The following LAMC1 variants were observed in gnomAD, a reference collection of about 807,000 sequenced individuals.
LAMC1 encodes laminin subunit gamma-1.
In LAMC1, 38 loss-of-function variants were observed where a neutral mutation model predicts 173.6. The ratio of observed to expected loss-of-function variants is 0.22; its 90% CI spans 0.17 to 0.29. LAMC1 has a LOEUF of 0.29. Ranked by LOEUF, LAMC1 falls within the 10% of genes least tolerant of loss-of-function variation. The probability of loss-of-function intolerance (pLI) is 1.00; values close to 1 mark genes in which losing one functional copy is unlikely to be tolerated. For synonymous variants in LAMC1, 746 were observed against 749.1 expected, an observed-to-expected ratio of 1.00 and a Z score of 0.07; for missense variants, 1,824 against 2,051.8, an observed-to-expected ratio of 0.89 and a Z score of 2.14.
At chr1:183,068,644 A>G (rs1177029572) in intron 1 of LAMC1, among the ~76,000 whole-genome samples, 1 of 152,164 alleles carries the variant, frequency 6.6e-6, no homozygotes, top group Non-Finnish European at 1.5e-5. Flanking sequence ...TTAGGTTTTT[A>G]GAAAAGTGAC....
At chr1:183,116,458 C>G in intron 6 of LAMC1, 119 bp from the exon 7 acceptor site, 2 of 637,156 alleles carry the variant, frequency 3.1e-6, no homozygotes, top group South Asian at 4.0e-5. Flanking sequence ...TCCTGGGCGA[C>G]AGTGTGAGAC....
At position 183,122,182 on chromosome 1, in the gene LAMC1, G is replaced by A. The variant is rs761534662; in HGVS notation, c.2332G>A (p.Gly778Ser). The A allele has an allele frequency of 1.9e-6, 3 of 1,614,090 alleles. No individual in the cohort carries two copies. Residue 778 changes from glycine to serine, a missense_variant, in exon 13 of 28, where the codon GGT becomes AGT. Coordinates refer to ENST00000258341, the MANE Select transcript of LAMC1 (RefSeq NM_002293.4). ...TTGCCAACCCTGTCCGTGTCCTGGA[G>A]GTTCAAGTTGTGCTGTTGTTCCCAA... ...SDCQPCPCPG[G>S]SSCAVVPKTK...
rs903311432 is a variant in LAMC1 at position 183,139,082 on chromosome 1, T to C, written c.4473+1255T>C. On this transcript the variant is annotated intron_variant, in intron 26 of 27. Coordinates refer to ENST00000258341, the MANE Select transcript of LAMC1 (RefSeq NM_002293.4). ...TTCCCATAAAAAAAATAGATGTTTC[T>C]CACATGTTGAGCATATATGGATTTC... Among the ~76,000 whole-genome samples the C allele has an allele frequency of 2.6e-5, 4 of 152,240 alleles. No homozygotes were observed. The East Asian group carries it at 7.7e-4, about 29-fold the overall frequency.
chr1:183,141,276 T>G (rs1189641315), intron 27 of LAMC1: 3 of 152,264 alleles, frequency 2.0e-5, no homozygotes, highest in Non-Finnish European at 4.4e-5. Flanking sequence ...GCCACTGCAC[T>G]CCACCCTGGG....
At chr1:183,037,343 G>GA (rs1426589296) in intron 1 of LAMC1, among the ~76,000 whole-genome samples, 1 of 110,824 alleles carries the variant, frequency 9.0e-6, no homozygotes, top group Non-Finnish European at 2.1e-5. Context: ...GAGAATTGCT[G>GA]AGTTAGTTCA....
chr1:183,025,993 G>T (rs184492022), intron 1 of LAMC1, among the ~76,000 whole-genome samples: 3 of 152,294 alleles, frequency 2.0e-5, no homozygotes, highest in East Asian at 1.9e-4. Flanking sequence ...TATCAGTTAC[G>T]TTAGATTGCT....
intron 1 of LAMC1, among the ~76,000 whole-genome samples, chr1:183,067,127 G>C (rs1654894679): frequency 6.6e-6 from 1 of 151,908 alleles, no homozygotes; most frequent in African/African-American, 2.4e-5. Flanking sequence ...TTGATACCAG[G>C]GTTTGTTAAA....
chr1:183,124,893 C>A lies in LAMC1; in HGVS notation c.2647+17C>A. On this transcript the variant is annotated intron_variant, in intron 14 of 27. Coordinates refer to ENST00000258341, the MANE Select transcript of LAMC1 (RefSeq NM_002293.4). ...AATGCAAAGGTAATCAGCCTTTGATCAGATTCTGTCACAGCTAAATGCCCC... is the reference window on the plus strand; with the variant it reads ...AATGCAAAGGTAATCAGCCTTTGATAAGATTCTGTCACAGCTAAATGCCCC... 1 of 1,610,602 alleles carries A rather than the reference C, an allele frequency of 6.2e-7. No individual in the cohort carries two copies. Among genetic ancestry groups the A allele is most frequent in the South Asian group, 1.1e-5 (1 of 90,954 alleles).
chr1:183,143,976 C>A lies in LAMC1; in HGVS notation c.*1186C>A, dbSNP rs569740662. The A allele has an allele frequency of 1.3e-5, 2 of 152,290 alleles. No homozygotes were observed. The highest frequency in any genetic ancestry group is 6.5e-5 in the Admixed American group (1 of 15,268). 9.4% of individuals were successfully genotyped at this position (152,290 alleles called of 1,614,324 possible). On this transcript the variant is annotated 3_prime_UTR_variant, in exon 28 of 28. Transcript: ENST00000258341. The stretch of plus-strand genomic sequence containing the variant: ...ACTCAGTATTTCACACAGCTGCCAA[C>A]GCTATCGAGTTCCTGCACTTTGTGA...
At chr1:183,136,702 G>T in intron 25 of LAMC1, 117 bp downstream of exon 25, 1 of 802,098 alleles carries the variant, frequency 1.2e-6, no homozygotes. Flanking sequence ...CAGTAAAATT[G>T]TCTTAAACCA....
chr1:183,037,735 T>C (rs1654020310), intron 1 of LAMC1, among the ~76,000 whole-genome samples: 1 of 152,174 alleles, frequency 6.6e-6, no homozygotes, highest in African/African-American at 2.4e-5. Flanking sequence ...GACTCTTAGA[T>C]ACCTTAATTT....
chr1:183,030,161 A>C (rs1291190658), intron 1 of LAMC1, among the ~76,000 whole-genome samples: 1 of 152,262 alleles, frequency 6.6e-6, no homozygotes, highest in Non-Finnish European at 1.5e-5. Context: ...CCCATGTAAC[A>C]AAGCATTGTC....
chr1:183,132,699 C>T (rs1179156748), intron 21 of LAMC1, among the ~76,000 whole-genome samples, 162 bp downstream of exon 21: 1 of 151,990 alleles, frequency 6.6e-6, no homozygotes, highest in Non-Finnish European at 1.5e-5. Flanking sequence ...TAGAGAAGGG[C>T]ATGTGAAGCC....
At chr1:183,029,194 C>T (rs1388600561) in intron 1 of LAMC1, among the ~76,000 whole-genome samples, 1 of 152,202 alleles carries the variant, frequency 6.6e-6, no homozygotes, top group Non-Finnish European at 1.5e-5. Context: ...CCAATCGTTA[C>T]TATAATCTGT....
At chr1:183,104,916 T>C (rs896084965) in intron 2 of LAMC1, among the ~76,000 whole-genome samples, 3 of 151,908 alleles carry the variant, frequency 2.0e-5, no homozygotes, top group Non-Finnish European at 2.9e-5. Context: ...TTTTGATAGA[T>C]GAAAAAGCAG....
intron 3 of LAMC1, 29 bp downstream of exon 3, chr1:183,108,435 A>T: frequency 6.3e-7 from 1 of 1,599,572 alleles, no homozygotes; most frequent in Non-Finnish European, 8.5e-7. Context: ...TAGTCTTGAA[A>T]GTGTTTGGAG....
Position 183,122,316 on chromosome 1 carries a change from C to G in LAMC1, c.2401+65C>G, listed in dbSNP as rs1039129702. The G allele has an allele frequency of 2.7e-6, 4 of 1,471,700 alleles. No individual in the cohort carries two copies. In the African/African-American group the frequency reaches 4.2e-5, roughly 15 times the overall value. The allele number at this position is 1,471,700 out of a possible 1,614,324, so 91.2% of individuals were successfully genotyped here. A position where few individuals can be genotyped will look rare whatever the true frequency, so the allele number is the denominator to read the frequency against. On this transcript the variant is annotated intron_variant, in intron 13 of 27. Coordinates refer to ENST00000258341, the MANE Select transcript of LAMC1 (RefSeq NM_002293.4). ...TATAAAAAGACCTAGGGGAAAGGGG[C>G]TTCGGAGTTGTTTTGGATCTTTGTG...
Position 183,110,547 on chromosome 1 carries a change from G to C in LAMC1, c.914G>C (p.Cys305Ser), listed in dbSNP as rs773756173. 1 of 1,613,908 alleles carries C rather than the reference G, an allele frequency of 6.2e-7. No homozygotes were observed. Reference protein sequence around the residue: ...CMKNEFDKLVCNCKHNTYGVD... With the variant: ...CMKNEFDKLVSNCKHNTYGVD... ...AAGAACGAATTTGATAAGCTGGTGT[G>C]TAATTGCAAACATAACACATATGGA... is the stretch of plus-strand genomic sequence containing the variant. Residue 305 changes from cysteine (C) to serine (S), a missense_variant, in exon 4 of 28, where the codon TGT becomes TCT. Physicochemically the swap from Cys to Ser is moderately radical, Grantham distance 112. Coordinates refer to ENST00000258341, the MANE Select transcript of LAMC1 (RefSeq NM_002293.4).
chr1:183,076,865 A>G (rs1655130679), intron 1 of LAMC1, among the ~76,000 whole-genome samples: 1 of 151,996 alleles, frequency 6.6e-6, no homozygotes, highest in African/African-American at 2.4e-5. Context: ...AATCTCTTAG[A>G]GACCCCACTG....
Sources: allele counts gnomAD v4.1 joint callset (sites outside exome capture counted in the v4.1 genomes callset), GRCh38; gene constraint gnomAD v4.1.1; transcripts MANE v1.5; gene names NCBI Gene and HGNC (gene_info 2026-07-23, HGNC 2026-07-21).